ATRNL1: variants seen among roughly 807,000 people sequenced by gnomAD.
ATRNL1 encodes the protein attractin like 1.
A neutral mutation model predicts 182.7 loss-of-function variants in ATRNL1; 95 were observed. That is an observed-to-expected ratio of 0.52 (90% CI 0.44 to 0.62). The LOEUF (loss-of-function observed/expected upper bound fraction) is 0.62. ATRNL1 is among the 20% of genes least tolerant of loss of function. The pLI, the probability that ATRNL1 is intolerant of heterozygous loss-of-function variation, is 0.00. For missense variants in ATRNL1, 1,471 were observed against 1,679.5 expected (o/e 0.88, Z 2.17); for synonymous variants, 576 against 568.3 (o/e 1.01, Z -0.19).
intron 9 of ATRNL1, among the ~76,000 whole-genome samples, chr10:115,235,358 C>A (rs1850135941): frequency 6.6e-6 from 1 of 152,090 alleles, no homozygotes; most frequent in Non-Finnish European, 1.5e-5. Flanking sequence ...TTTCCATCAG[C>A]CCCAAAAGAA....
chr10:115,197,035 T>A (rs1210658893), intron 8 of ATRNL1, among the ~76,000 whole-genome samples: 1 of 152,154 alleles, frequency 6.6e-6, no homozygotes, highest in African/African-American at 2.4e-5. Flanking sequence ...TTTATCAGGT[T>A]GAGGAAATTT....
chr10:115,333,621 A>G (rs1342295412), intron 18 of ATRNL1, among the ~76,000 whole-genome samples: 1 of 151,686 alleles, frequency 6.6e-6, no homozygotes, highest in African/African-American at 2.4e-5. Context: ...AGTAGCTAAG[A>G]TTACAGGCAT....
chr10:115,438,713 A>G (rs1462217245), intron 21 of ATRNL1, among the ~76,000 whole-genome samples: 1 of 151,996 alleles, frequency 6.6e-6, no homozygotes, highest in Non-Finnish European at 1.5e-5. Context: ...AAAAAAATCA[A>G]CTTCTGCATG....
intron 26 of ATRNL1, among the ~76,000 whole-genome samples, chr10:115,551,702 T>C (rs1361153110): frequency 6.6e-6 from 1 of 151,542 alleles, no homozygotes; most frequent in African/African-American, 2.4e-5. Context: ...AATGTAAAAT[T>C]CTAAATGTTA....
intron 19 of ATRNL1, among the ~76,000 whole-genome samples, chr10:115,381,685 C>G (rs1858019838): frequency 6.6e-6 from 1 of 151,750 alleles, no homozygotes; most frequent in South Asian, 2.1e-4. Context: ...TTGATGGTAT[C>G]ATTTGTAGCA....
At chr10:115,155,819 A>G (rs959960934) in intron 5 of ATRNL1, among the ~76,000 whole-genome samples, 2 of 152,136 alleles carry the variant, frequency 1.3e-5, no homozygotes, top group African/African-American at 2.4e-5. Flanking sequence ...TAGGAAAGGG[A>G]TAAGTATGGA....
At chr10:115,775,650 A>G (rs549171342) in intron 27 of ATRNL1, among the ~76,000 whole-genome samples, 5 of 152,302 alleles carry the variant, frequency 3.3e-5, no homozygotes, top group African/African-American at 7.2e-5. Context: ...TTAAGGTACA[A>G]TAAGGGTTTA....
At chr10:115,326,314 T>C (rs1201714430) in intron 18 of ATRNL1, among the ~76,000 whole-genome samples, 1 of 152,138 alleles carries the variant, frequency 6.6e-6, no homozygotes, top group Non-Finnish European at 1.5e-5. Context: ...AGCCAAATCA[T>C]GAGTGAACTC....
At chr10:115,657,214 T>C (rs1414080107) in intron 26 of ATRNL1, among the ~76,000 whole-genome samples, 2 of 152,120 alleles carry the variant, frequency 1.3e-5, no homozygotes, top group South Asian at 4.1e-4. Flanking sequence ...CAATATATAT[T>C]TAATAGCTAA....
chr10:115,682,067 A>G (rs544119417), intron 26 of ATRNL1, among the ~76,000 whole-genome samples: 120 of 152,262 alleles, frequency 7.9e-4, no homozygotes, highest in African/African-American at 2.6e-3. Context: ...GTCTAATACC[A>G]GTTCTTACTC....
chr10:115,683,552 T>TTG (rs1555045378), intron 26 of ATRNL1, among the ~76,000 whole-genome samples: 2 of 145,594 alleles, frequency 1.4e-5, no homozygotes, highest in African/African-American at 5.3e-5. Context: ...ACTAGCGTTT[T>TTG]TTTTTTTTTT....
At chr10:115,120,638 A>G (rs1230975449) in intron 2 of ATRNL1, among the ~76,000 whole-genome samples, 1 of 152,158 alleles carries the variant, frequency 6.6e-6, no homozygotes, top group Non-Finnish European at 1.5e-5. Context: ...GTATTTTTAA[A>G]AGAACATTTT....
intron 10 of ATRNL1, among the ~76,000 whole-genome samples, chr10:115,264,145 C>T (rs782626673): frequency 5.3e-5 from 8 of 151,062 alleles, no homozygotes; most frequent in Non-Finnish European, 8.9e-5. Context: ...ACGTTTGTTA[C>T]GTATGTATAC....
intron 28 of ATRNL1, among the ~76,000 whole-genome samples, chr10:115,874,205 A>G (rs1555106718): frequency 1.3e-5 from 2 of 152,232 alleles, no homozygotes; most frequent in South Asian, 2.1e-4. Context: ...GCTTTACTCT[A>G]TGGCTTTCTT....
chr10:115,411,854 A>G (rs2134341980), intron 20 of ATRNL1, among the ~76,000 whole-genome samples: 2 of 152,244 alleles, frequency 1.3e-5, no homozygotes, highest in East Asian at 3.9e-4. Context: ...TCATACCTCA[A>G]GTAAATATAT....
At chr10:115,606,795 C>T (rs1397866243) in intron 26 of ATRNL1, among the ~76,000 whole-genome samples, 3 of 151,958 alleles carry the variant, frequency 2.0e-5, no homozygotes, top group Non-Finnish European at 4.4e-5. Flanking sequence ...GAATTAAAGA[C>T]GTTTATCCAA....
At chr10:115,900,505 A>C (rs1237369902) in intron 28 of ATRNL1, among the ~76,000 whole-genome samples, 2 of 152,268 alleles carry the variant, frequency 1.3e-5, no homozygotes, top group African/African-American at 4.8e-5. Context: ...GGCAAAAAAT[A>C]ATATGTAGTT....
At chr10:115,897,383 A>G (rs1952234353) in intron 28 of ATRNL1, among the ~76,000 whole-genome samples, 1 of 152,018 alleles carries the variant, frequency 6.6e-6, no homozygotes, top group African/African-American at 2.4e-5. Flanking sequence ...TTATCTAGCA[A>G]CCCCTCTTAG....
intron 26 of ATRNL1, among the ~76,000 whole-genome samples, chr10:115,693,128 C>T (rs911782344): frequency 2.0e-5 from 3 of 152,048 alleles, no homozygotes; most frequent in Non-Finnish European, 4.4e-5. Context: ...GGGAAGATTT[C>T]ATTCAAATAA....
Sources: gnomAD v4.1 joint callset for allele counts (sites outside exome capture counted in the v4.1 genomes callset) on GRCh38, gnomAD v4.1.1 for gene constraint, MANE v1.5 for transcripts, NCBI Gene and HGNC (gene_info 2026-07-23, HGNC 2026-07-21) for gene names.